The following ATF7 variants were observed in gnomAD, a reference collection of about 807,000 sequenced individuals.
ATF7 encodes cyclic AMP-dependent transcription factor ATF-7.
In ATF7, 10 loss-of-function variants were observed where a neutral mutation model predicts 50.4. The observed-to-expected ratio is 0.20, with a 90% CI of 0.12 to 0.34. The LOEUF (loss-of-function observed/expected upper bound fraction) is 0.34, where lower values mean the gene tolerates loss of function less well. Ranked by LOEUF, ATF7 falls within the 10% of genes least tolerant of loss-of-function variation. ATF7 has a pLI of 1.00. For synonymous variants in ATF7, 201 were observed against 226.4 expected (o/e 0.89, Z 1.01); for missense variants, 465 against 613.9 (o/e 0.76, Z 2.56).
intron 9 of ATF7, among the ~76,000 whole-genome samples, chr12:53,530,637 T>C (rs907630458): frequency 1.3e-5 from 2 of 152,204 alleles, no homozygotes; most frequent in Admixed American, 1.3e-4. Context: ...AGACAAAGTC[T>C]CACTCTATCA....
At chr12:53,610,502 T>C (rs890246500) in intron 1 of ATF7, among the ~76,000 whole-genome samples, 1 of 150,148 alleles carries the variant, frequency 6.7e-6, no homozygotes, top group Non-Finnish European at 1.5e-5. Flanking sequence ...AAGGCGGAGG[T>C]TGCAGTGAGC....
chr12:53,556,252 T>C (rs1014633765), intron 2 of ATF7, among the ~76,000 whole-genome samples: 4 of 152,216 alleles, frequency 2.6e-5, no homozygotes, highest in African/African-American at 9.6e-5. Flanking sequence ...TATTATAATA[T>C]CATTAATTTC....
intron 2 of ATF7, among the ~76,000 whole-genome samples, chr12:53,597,725 C>T (rs1040907149): frequency 1.3e-5 from 2 of 150,038 alleles, no homozygotes; most frequent in African/African-American, 4.9e-5. Context: ...AGGAGAATGG[C>T]GTGAACCCAG....
intron 1 of ATF7, among the ~76,000 whole-genome samples, chr12:53,605,001 A>G (rs1592973502): frequency 6.6e-6 from 1 of 152,194 alleles, no homozygotes; most frequent in Non-Finnish European, 1.5e-5. Context: ...ATCAGTATAC[A>G]TATCATTTAG....
chr12:53,545,059 A>C (rs1939814752), intron 3 of ATF7, among the ~76,000 whole-genome samples: 1 of 152,174 alleles, frequency 6.6e-6, no homozygotes, highest in Non-Finnish European at 1.5e-5. Flanking sequence ...CAAGTGGAAC[A>C]GGAGGGGGCA....
intron 1 of ATF7, among the ~76,000 whole-genome samples, chr12:53,620,575 C>CAAAAAAA (rs34516346): frequency 2.8e-3 from 212 of 75,692 alleles, no homozygotes; most frequent in Non-Finnish European, 3.4e-3. Context: ...GACTCCGTCT[C>CAAAAAAA]AAAAAAAAAA....
At position 53,512,454 on chromosome 12, in the gene ATF7, T is replaced by G. The variant is rs1329615659; in HGVS notation, c.*4683A>C. On this transcript the variant is annotated 3_prime_UTR_variant, in exon 12 of 12. Transcript: ENST00000420353. ...AAAAATATATAGATGAACAGAGATATAATCATAGATACACACTGCTTCCTT... is the reference window on the plus strand; with the variant it reads ...AAAAATATATAGATGAACAGAGATAGAATCATAGATACACACTGCTTCCTT... 1 of 152,196 alleles carries G rather than the reference T, an allele frequency of 6.6e-6. No individual in the cohort carries two copies. The highest frequency in any genetic ancestry group is 1.5e-5 in the Non-Finnish European group (1 of 68,042). The allele number at this position is 152,196 out of a possible 1,614,324, so 9.4% of individuals were successfully genotyped here.
At chr12:53,530,578 T>TTCTA (rs1555216958) in intron 9 of ATF7, among the ~76,000 whole-genome samples, 1 of 151,798 alleles carries the variant, frequency 6.6e-6, no homozygotes, top group African/African-American at 2.4e-5. Context: ...ATTTTTTTAT[T>TTCTA]TTTATTTATT....
At chr12:53,577,561 A>AAAAAATTAGCTGGGCGCAGTGG (rs1277645811) in intron 2 of ATF7, among the ~76,000 whole-genome samples, 1 of 151,932 alleles carries the variant, frequency 6.6e-6, no homozygotes, top group African/African-American at 2.4e-5. Flanking sequence ...CTAAAAATAG[A>AAAAAATTAGCTGGGCGCAGTGG]AAAAATTAGC....
chr12:53,574,934 C>T, intron 2 of ATF7: 1 of 270,094 alleles, frequency 3.7e-6, no homozygotes, highest in Admixed American at 4.1e-5. Context: ...GTTACTCTTT[C>T]TTGCCATTGA....
chr12:53,581,132 A>G (rs572835906), intron 2 of ATF7, among the ~76,000 whole-genome samples: 58 of 152,074 alleles, frequency 3.8e-4, no homozygotes, highest in Middle Eastern at 3.4e-3. Flanking sequence ...ATAAATAAAA[A>G]ATAAAAATAA....
chr12:53,608,023 T>C (rs1943686074), intron 1 of ATF7, among the ~76,000 whole-genome samples: 1 of 151,838 alleles, frequency 6.6e-6, no homozygotes, highest in South Asian at 2.1e-4. Flanking sequence ...ATCGAGACCA[T>C]CCTGGCCAAC....
At chr12:53,569,682 T>C (rs1366648047) in intron 2 of ATF7, among the ~76,000 whole-genome samples, 1 of 100,062 alleles carries the variant, frequency 1.0e-5, no homozygotes, top group Non-Finnish European at 2.0e-5. Context: ...TTTTTTTTAA[T>C]TTTTTTTTTT....
At chr12:53,600,428 C>A (rs1051336488) in intron 2 of ATF7, among the ~76,000 whole-genome samples, 1 of 152,026 alleles carries the variant, frequency 6.6e-6, no homozygotes, top group African/African-American at 2.4e-5. Flanking sequence ...GGAACCTCCA[C>A]CTCTTGGGCT....
chr12:53,532,751 T>C (rs926865255), intron 7 of ATF7, 128 bp from the exon 8 acceptor site: 4 of 654,992 alleles, frequency 6.1e-6, no homozygotes, highest in African/African-American at 1.8e-5. Flanking sequence ...AATGTGCCCA[T>C]AGGGCGTGCA....
At chr12:53,585,802 T>C (rs1277828032) in intron 2 of ATF7, among the ~76,000 whole-genome samples, 1 of 151,902 alleles carries the variant, frequency 6.6e-6, no homozygotes, top group East Asian at 1.9e-4. Context: ...GAGGAAGAAA[T>C]TGCTTCCCAG....
At chr12:53,620,671 GCTTGAAC>G (rs896765472) in intron 1 of ATF7, among the ~76,000 whole-genome samples, 2 of 151,214 alleles carry the variant, frequency 1.3e-5, no homozygotes, top group African/African-American at 4.9e-5. Flanking sequence ...CCTGAGAATT[GCTTGAAC>G]CTGGGCGGCA....
chr12:53,601,154 G>T, intron 1 of ATF7, 133 bp from the exon 2 acceptor site: 1 of 651,996 alleles, frequency 1.5e-6, no homozygotes, highest in Middle Eastern at 4.0e-4. Context: ...GTAAACACAG[G>T]CTACTTTGGG....
At chr12:53,517,502 T>C (rs1937783486) in intron 11 of ATF7, 148 bp from the exon 12 acceptor site, 1 of 756,162 alleles carries the variant, frequency 1.3e-6, no homozygotes, top group Non-Finnish European at 2.1e-6. Flanking sequence ...CCCAGAATCC[T>C]GGCTTCTAAG....
Sources: allele counts gnomAD v4.1 joint callset (sites outside exome capture counted in the v4.1 genomes callset), GRCh38; gene constraint gnomAD v4.1.1; transcripts MANE v1.5; gene names NCBI Gene and HGNC (gene_info 2026-07-23, HGNC 2026-07-21).